The following GDPD5 variants were observed in gnomAD, a reference collection of about 807,000 sequenced individuals.
GDPD5 encodes the protein glycerophosphodiester phosphodiesterase domain containing 5, also known as glycerophosphodiester phosphodiesterase 2.
Under a neutral mutation model 75.1 loss-of-function variants are expected in GDPD5, and 48 were observed. The ratio of observed to expected loss-of-function variants is 0.64; its 90% CI spans 0.51 to 0.81. GDPD5 has a LOEUF of 0.81. Ranked by LOEUF, GDPD5 falls within the 40% of genes least tolerant of loss-of-function variation. GDPD5 has a pLI of 0.00. For synonymous variants in GDPD5, 336 were observed against 339.0 expected (o/e 0.99, Z 0.10); for missense variants, 706 against 822.6 (o/e 0.86, Z 1.73).
At chr11:75,507,669 A>G (rs1032277685) in intron 1 of GDPD5, among the ~76,000 whole-genome samples, 1 of 152,246 alleles carries the variant, frequency 6.6e-6, no homozygotes, top group Admixed American at 6.5e-5. Context: ...AGGATAGGAC[A>G]GTGGGTCAAT....
At chr11:75,483,203 C>G (rs1949955042) in intron 2 of GDPD5, among the ~76,000 whole-genome samples, 1 of 152,156 alleles carries the variant, frequency 6.6e-6, no homozygotes, top group Admixed American at 6.5e-5. Flanking sequence ...GGCTCTGGGA[C>G]AAGAGAACGC....
intron 1 of GDPD5, among the ~76,000 whole-genome samples, chr11:75,518,680 A>T (rs1038912401): frequency 6.6e-6 from 1 of 152,214 alleles, no homozygotes; most frequent in South Asian, 2.1e-4. Context: ...AATGGGCAGA[A>T]GCCAAGCAAA....
At chr11:75,519,865 G>A (rs144282921) in intron 1 of GDPD5, among the ~76,000 whole-genome samples, 18 of 152,368 alleles carry the variant, frequency 1.2e-4, no homozygotes, top group African/African-American at 4.3e-4. Context: ...TCGGTTGGAT[G>A]TGTGTGTGAG....
chr11:75,462,786 C>G lies in GDPD5; in HGVS notation c.221G>C (p.Trp74Ser). Reference protein sequence around the residue: ...EVHNDYDEFNWYLYNRMGYWS... With the variant: ...EVHNDYDEFNSYLYNRMGYWS... Reference sequence around the variant, plus strand: ...TCCCCCACCCACTGCCCCTACTCACCAGTTGAATTCATCATAGTCATTGTG... The same window carrying G: ...TCCCCCACCCACTGCCCCTACTCACGAGTTGAATTCATCATAGTCATTGTG... Residue 74 changes from tryptophan (W) to serine (S), a missense_variant and splice_region_variant, in exon 4 of 17, where the codon TGG (tryptophan) becomes TCG (serine). Transcript: ENST00000336898. 1 of 1,612,620 alleles carries G rather than the reference C, an allele frequency of 6.2e-7. No individual in the cohort carries two copies. Among genetic ancestry groups the G allele is most frequent in the Non-Finnish European group, 8.5e-7 (1 of 1,178,764 alleles).
intron 1 of GDPD5, among the ~76,000 whole-genome samples, chr11:75,524,344 G>T (rs1419612304): frequency 2.0e-5 from 3 of 152,352 alleles, no homozygotes; most frequent in African/African-American, 7.2e-5. Context: ...CAGCGATAGG[G>T]AAAGCCCCAG....
At chr11:75,484,471 T>G (rs1949982119) in intron 2 of GDPD5, among the ~76,000 whole-genome samples, 1 of 152,178 alleles carries the variant, frequency 6.6e-6, no homozygotes, top group Non-Finnish European at 1.5e-5. Context: ...CAAGGAACTC[T>G]TCTGCCAAAT....
At chr11:75,495,294 G>A (rs958220582) in intron 1 of GDPD5, among the ~76,000 whole-genome samples, 2 of 149,444 alleles carry the variant, frequency 1.3e-5, no homozygotes, top group Admixed American at 1.3e-4. Context: ...CTATATATAA[G>A]TCTGAATTTA....
intron 2 of GDPD5, chr11:75,485,245 T>C (rs1438734179): frequency 2.6e-5 from 4 of 152,222 alleles, no homozygotes; most frequent in Admixed American, 6.5e-5. Context: ...CTCTTCTGTA[T>C]GACACAGTAA....
Position 75,457,677 on chromosome 11 carries a change from A to G in GDPD5, c.315+16T>C. On this transcript the variant is annotated intron_variant, in intron 5 of 16. Transcript: ENST00000336898. Reference sequence around the variant, plus strand: ...TGGGAGCAGGGCCACCTGCCCTCCAAAACAGCCCCATGTACCAGGAGGCCA... The same window carrying G: ...TGGGAGCAGGGCCACCTGCCCTCCAGAACAGCCCCATGTACCAGGAGGCCA... 1 of 1,613,206 alleles carries G rather than the reference A, an allele frequency of 6.2e-7. No homozygotes were observed. The highest frequency in any genetic ancestry group is 8.5e-7 in the Non-Finnish European group (1 of 1,179,188).
chr11:75,462,755 C>T, intron 4 of GDPD5, 31 bp downstream of exon 4: 1 of 1,558,012 alleles, frequency 6.4e-7, no homozygotes, highest in Non-Finnish European at 8.8e-7. Flanking sequence ...GCTCTGGGCC[C>T]CTTCCTCCCC....
chr11:75,445,408 G>A (rs1948960536), intron 9 of GDPD5, among the ~76,000 whole-genome samples: 1 of 152,194 alleles, frequency 6.6e-6, no homozygotes, highest in African/African-American at 2.4e-5. Context: ...CCTTAGAGAT[G>A]TGTACTCATG....
intron 9 of GDPD5, chr11:75,448,436 G>A: frequency 1.0e-6 from 1 of 963,312 alleles, no homozygotes; most frequent in South Asian, 4.8e-5. Context: ...CAGCTGGTGA[G>A]GAGCTGTGCT....
chr11:75,436,891 A>C (rs529959632), intron 16 of GDPD5, 45 bp downstream of exon 16: 2 of 1,451,984 alleles, frequency 1.4e-6, no homozygotes, highest in East Asian at 2.3e-5. Flanking sequence ...GGGTGCAGAA[A>C]GCTGGGCCCA....
chr11:75,456,858 C>T (rs201866791), intron 5 of GDPD5, 42 bp from the exon 6 acceptor site: 19,488 of 1,598,518 alleles, frequency 0.012, 163 homozygotes, highest in Middle Eastern at 0.025. Flanking sequence ...CCCGTGTGGG[C>T]GGGAAGGCTT....
At chr11:75,521,400 C>G (rs7125579) in intron 1 of GDPD5, among the ~76,000 whole-genome samples, 39 of 152,338 alleles carry the variant, frequency 2.6e-4, no homozygotes, top group African/African-American at 8.4e-4. Flanking sequence ...GCTCCCTGCT[C>G]CCTACCTTTG....
intron 1 of GDPD5, among the ~76,000 whole-genome samples, chr11:75,499,324 C>T (rs1258054877): frequency 6.6e-6 from 1 of 152,086 alleles, no homozygotes; most frequent in Non-Finnish European, 1.5e-5. Context: ...GGTTTATACC[C>T]CCAAATGCCA....
chr11:75,481,750 G>T (rs1790154), intron 2 of GDPD5, among the ~76,000 whole-genome samples: 89,289 of 151,742 alleles, frequency 0.59, 27,210 homozygotes, highest in East Asian at 0.78. Context: ...GTTCTCTACT[G>T]TCATGTCAGC....
chr11:75,521,951 C>T (rs1296583715), intron 1 of GDPD5, among the ~76,000 whole-genome samples: 1 of 152,142 alleles, frequency 6.6e-6, no homozygotes, highest in East Asian at 1.9e-4. Flanking sequence ...CCGTAAGGAG[C>T]CACAGAGGCT....
At chr11:75,489,327 C>A (rs1010666191) in intron 2 of GDPD5, among the ~76,000 whole-genome samples, 9 of 152,244 alleles carry the variant, frequency 5.9e-5, no homozygotes, top group African/African-American at 2.2e-4. Flanking sequence ...ATGAACATCA[C>A]TACTCTTCAC....
Sources: gnomAD v4.1 joint callset for allele counts (sites outside exome capture counted in the v4.1 genomes callset) on GRCh38, gnomAD v4.1.1 for gene constraint, MANE v1.5 for transcripts, NCBI Gene and HGNC (gene_info 2026-07-23, HGNC 2026-07-21) for gene names.